The following GRID2 variants were observed in gnomAD, a reference collection of about 807,000 sequenced individuals.
GRID2 encodes the protein glutamate receptor ionotropic, delta-2.
GRID2 carries 33 observed loss-of-function variants against 114.8 expected under a neutral mutation model. That is an observed-to-expected ratio of 0.29 (90% CI 0.22 to 0.38). The LOEUF (loss-of-function observed/expected upper bound fraction) is 0.38, where lower values mean the gene tolerates loss of function less well. Among genes scored for constraint, GRID2 ranks in the 10% least tolerant of loss-of-function variants. The pLI, the probability that GRID2 is intolerant of heterozygous loss-of-function variation, is 1.00. For missense variants in GRID2, 1,184 were observed against 1,257.7 expected (o/e 0.94, Z 0.89); for synonymous variants, 505 against 449.9 (o/e 1.12, Z -1.55).
chr4:93,652,199 G>A (rs2149723054), intron 14 of GRID2, among the ~76,000 whole-genome samples: 1 of 152,150 alleles, frequency 6.6e-6, no homozygotes, highest in Non-Finnish European at 1.5e-5. Context: ...ATAAGAAGAG[G>A]TTAGAATACA....
chr4:93,531,969 C>A (rs779055396), intron 13 of GRID2, among the ~76,000 whole-genome samples: 5 of 151,918 alleles, frequency 3.3e-5, no homozygotes, highest in African/African-American at 9.7e-5. Flanking sequence ...CTTTAAGAAT[C>A]AAAGATAATA....
At chr4:92,944,723 T>C (rs1307408748) in intron 2 of GRID2, among the ~76,000 whole-genome samples, 1 of 152,236 alleles carries the variant, frequency 6.6e-6, no homozygotes, top group Non-Finnish European at 1.5e-5. Flanking sequence ...AGAATCTATT[T>C]GATTTTTTAA....
intron 1 of GRID2, among the ~76,000 whole-genome samples, chr4:92,405,609 ATG>A (rs1730989078): frequency 6.6e-6 from 1 of 151,986 alleles, no homozygotes; most frequent in Non-Finnish European, 1.5e-5. Context: ...ATTTTTATAT[ATG>A]TATATGGTGT....
chr4:92,946,672 T>G (rs1293449053), intron 2 of GRID2, among the ~76,000 whole-genome samples: 1 of 152,088 alleles, frequency 6.6e-6, no homozygotes, highest in African/African-American at 2.4e-5. Flanking sequence ...ACATAAACTG[T>G]TTTCTGCAGA....
intron 2 of GRID2, among the ~76,000 whole-genome samples, chr4:93,072,456 T>C (rs1728893831): frequency 6.6e-6 from 1 of 152,124 alleles, no homozygotes; most frequent in Admixed American, 6.5e-5. Flanking sequence ...TGAAGTACTC[T>C]TCCAGCAAGT....
At chr4:92,583,847 T>A (rs1173153861) in intron 1 of GRID2, among the ~76,000 whole-genome samples, 1 of 150,024 alleles carries the variant, frequency 6.7e-6, no homozygotes, top group Admixed American at 6.7e-5. Flanking sequence ...TATATAAACA[T>A]GAACATGTAT....
At chr4:93,482,893 G>A (rs1406839885) in intron 11 of GRID2, among the ~76,000 whole-genome samples, 1 of 151,740 alleles carries the variant, frequency 6.6e-6, no homozygotes, top group Non-Finnish European at 1.5e-5. Context: ...CCATTATCCT[G>A]TGGACAACAG....
chr4:92,858,113 C>A (rs1744295030), intron 2 of GRID2, among the ~76,000 whole-genome samples: 1 of 152,224 alleles, frequency 6.6e-6, no homozygotes, highest in Non-Finnish European at 1.5e-5. Flanking sequence ...CCAATGCAAC[C>A]TGGTCAACCT....
In GRID2 at chr4:93,455,652, A is replaced by T; in HGVS notation, c.1546-10A>T. 1.9e-6 allele frequency: 3 copies of T among 1,593,036 alleles called. No individual in the cohort carries two copies. The highest frequency in any genetic ancestry group is 2.6e-6 in the Non-Finnish European group (3 of 1,161,516). ...CTGTTAATGTATTCCTTTCTCTTTC[A>T]ATTTCTCAGAGAGCCGACATAGGGA... On this transcript the variant is annotated splice_polypyrimidine_tract_variant and intron_variant, in intron 10 of 15. Coordinates refer to ENST00000282020, the MANE Select transcript of GRID2 (RefSeq NM_001510.4).
chr4:92,467,985 T>C (rs1721839427), intron 1 of GRID2, among the ~76,000 whole-genome samples: 1 of 151,852 alleles, frequency 6.6e-6, no homozygotes. Flanking sequence ...ACATGAAAAC[T>C]TGGGCCCAAG....
chr4:93,657,403 A>G (rs1423639350), intron 14 of GRID2, among the ~76,000 whole-genome samples: 2 of 152,218 alleles, frequency 1.3e-5, no homozygotes, highest in African/African-American at 2.4e-5. Context: ...CCACTGTTAT[A>G]GAGCTTCGGA....
intron 2 of GRID2, among the ~76,000 whole-genome samples, chr4:93,065,219 T>G (rs1728196694): frequency 6.6e-6 from 1 of 151,882 alleles, no homozygotes; most frequent in Non-Finnish European, 1.5e-5. Context: ...TAACCTAGTT[T>G]TAAAATTTCA....
chr4:92,317,087 A>G (rs187699853), intron 1 of GRID2, among the ~76,000 whole-genome samples: 28 of 152,302 alleles, frequency 1.8e-4, no homozygotes, highest in African/African-American at 5.8e-4. Context: ...ACTGTATATC[A>G]GATATTGCAT....
At chr4:93,560,804 C>T (rs1242123181) in intron 13 of GRID2, among the ~76,000 whole-genome samples, 1 of 152,114 alleles carries the variant, frequency 6.6e-6, no homozygotes. Flanking sequence ...TTTATACAGA[C>T]ATCATGGATC....
intron 1 of GRID2, among the ~76,000 whole-genome samples, chr4:92,414,315 G>C (rs1402720763): frequency 1.3e-5 from 2 of 152,180 alleles, no homozygotes; most frequent in African/African-American, 4.8e-5. Context: ...GAGGCTGGAT[G>C]CACAGAATCT....
intron 1 of GRID2, among the ~76,000 whole-genome samples, chr4:92,339,773 A>G (rs1476991838): frequency 6.6e-6 from 1 of 152,178 alleles, no homozygotes; most frequent in Non-Finnish European, 1.5e-5. Context: ...AGATAATTTT[A>G]ATAACGAAAT....
rs1268313038 is a variant in GRID2, at chr4:93,063,464, A to C, written c.245-21531A>C. Among the ~76,000 whole-genome samples, 7 of 152,008 alleles carry C rather than the reference A, an allele frequency of 4.6e-5. No homozygotes were observed. In the East Asian group the frequency reaches 1.4e-3, roughly 29 times the overall value. ...AATTAATTTCTCCTAACTCCTTGTG[A>C]ACCAATCTCATTTTCCTCCCACTTA... On this transcript the variant is annotated intron_variant, in intron 2 of 15. Coordinates refer to ENST00000282020, the MANE Select transcript of GRID2 (RefSeq NM_001510.4).
chr4:93,205,791 C>T (rs891816824), intron 4 of GRID2, among the ~76,000 whole-genome samples: 3 of 152,144 alleles, frequency 2.0e-5, no homozygotes, highest in Non-Finnish European at 4.4e-5. Flanking sequence ...AAAAGTGTTC[C>T]TATTTCTCCA....
chr4:92,863,854 C>T lies in GRID2; in HGVS notation c.245-221141C>T, dbSNP rs144613909. On this transcript the variant is annotated intron_variant, in intron 2 of 15. Transcript: ENST00000282020. The stretch of plus-strand genomic sequence containing the variant: ...TCATCGCACTCTCGATGTTATTTAA[C>T]TAAGATCTATGACCTCAATTAGAGT... Among the ~76,000 whole-genome samples the T allele has an allele frequency of 5.3e-5, 8 of 152,176 alleles. No individual in the cohort carries two copies. In the East Asian group the frequency reaches 1.6e-3, roughly 29 times the overall value.
Sources: allele counts gnomAD v4.1 joint callset (sites outside exome capture counted in the v4.1 genomes callset), GRCh38; gene constraint gnomAD v4.1.1; transcripts MANE v1.5; gene names NCBI Gene and HGNC (gene_info 2026-07-23, HGNC 2026-07-21).